Variants in ZC4H2 observed in about 807,000 individuals in gnomAD.
ZC4H2 encodes zinc finger C4H2-type containing, also known as zinc finger C4H2 domain-containing protein.
For missense variants in ZC4H2, 137 were observed against 173.9 expected, an observed-to-expected ratio of 0.79 and a Z score of 1.19; for synonymous variants, 84 against 66.3, an observed-to-expected ratio of 1.27 and a Z score of -1.30.
intron 1 of ZC4H2, among the ~76,000 whole-genome samples, chrX:65,023,570 C>A (rs1932852890): frequency 9.0e-6 from 1 of 111,678 alleles, no homozygotes; most frequent in Non-Finnish European, 1.9e-5. Context: ...CCATCTCATG[C>A]CAGTTAGAAT....
intron 4 of ZC4H2, 138 bp downstream of exon 4, chrX:64,918,904 C>G: frequency 2.6e-6 from 2 of 777,336 alleles, no homozygotes; most frequent in South Asian, 7.4e-5. Flanking sequence ...CCATGTCACC[C>G]CTTCCACTGT....
intron 1 of ZC4H2, among the ~76,000 whole-genome samples, chrX:64,990,297 T>A (rs1377290235): frequency 8.9e-6 from 1 of 111,917 alleles, no homozygotes; most frequent in Non-Finnish European, 1.9e-5. Flanking sequence ...TCATGTAACA[T>A]TCTGGGAATG....
chrX:64,988,231 A>G (rs1427203934), intron 1 of ZC4H2, among the ~76,000 whole-genome samples: 3 of 110,871 alleles, frequency 2.7e-5, no homozygotes, highest in African/African-American at 9.9e-5. Flanking sequence ...ATGATTTATA[A>G]TCCTTTGGGT....
At chrX:64,919,281 T>C in intron 3 of ZC4H2, 77 bp from the exon 4 acceptor site, 1 of 1,118,983 alleles carries the variant, frequency 8.9e-7, no homozygotes, top group Non-Finnish European at 1.2e-6. Flanking sequence ...CTCCATGCCA[T>C]ACAACCAAGG....
intron 1 of ZC4H2, among the ~76,000 whole-genome samples, chrX:64,993,848 C>T (rs1344800618): frequency 8.9e-6 from 1 of 112,072 alleles, no homozygotes; most frequent in Admixed American, 9.4e-5. Context: ...GCTTTACCTG[C>T]AGTCTTTCAT....
intron 1 of ZC4H2, among the ~76,000 whole-genome samples, chrX:64,950,418 T>C (rs755703224): frequency 9.0e-6 from 1 of 111,506 alleles, no homozygotes; most frequent in South Asian, 3.8e-4. Context: ...ACTTTCTGTC[T>C]CGTTGATCTG....
intron 1 of ZC4H2, among the ~76,000 whole-genome samples, chrX:64,948,803 A>G (rs1386533298): frequency 8.9e-6 from 1 of 112,133 alleles, no homozygotes; most frequent in Non-Finnish European, 1.9e-5. Context: ...AAAATATTAT[A>G]AGAAGGCATG....
chrX:65,010,114 A>G (rs1331439505), intron 1 of ZC4H2, among the ~76,000 whole-genome samples: 1 of 112,574 alleles, frequency 8.9e-6, no homozygotes, highest in Non-Finnish European at 1.9e-5. Flanking sequence ...GGATGCATCA[A>G]CTTCCAAGTG....
At chrX:64,989,072 A>T (rs761762520) in intron 1 of ZC4H2, among the ~76,000 whole-genome samples, 1 of 111,470 alleles carries the variant, frequency 9.0e-6, no homozygotes, top group South Asian at 3.8e-4. Flanking sequence ...TGTTCCATTG[A>T]TGTATATCTC....
intron 1 of ZC4H2, among the ~76,000 whole-genome samples, chrX:64,922,694 A>T (rs1341393390): frequency 2.7e-5 from 3 of 112,305 alleles, no homozygotes; most frequent in Non-Finnish European, 5.6e-5. Context: ...AACTCTAAGT[A>T]AGCACTGTCC....
chrX:65,027,375 G>A lies in ZC4H2; in HGVS notation c.-272+7254C>T, dbSNP rs187360705. Among the ~76,000 whole-genome samples the A allele has an allele frequency of 5.1e-3, 566 of 111,659 alleles. 2 individuals carry two copies. The highest frequency in any genetic ancestry group is 0.017 in the African/African-American group (524 of 30,711). ...AGGCAGTGCAGAAGATGGTTTGGAA[G>A]AGAGGTAAGAATGAAGGTAAGGAGC... On this transcript the variant is annotated intron_variant, in intron 1 of 4. Coordinates refer to the ZC4H2 transcript ENST00000337990.
intron 1 of ZC4H2, among the ~76,000 whole-genome samples, chrX:65,011,357 T>C (rs982860450): frequency 1.6e-4 from 18 of 111,290 alleles, no homozygotes; most frequent in Admixed American, 6.7e-4. Context: ...ATGTTCCCCC[T>C]TTGCTCAATC....
chrX:64,934,446 G>A (rs1025831702), intron 1 of ZC4H2, among the ~76,000 whole-genome samples: 4 of 112,138 alleles, frequency 3.6e-5, no homozygotes, highest in Admixed American at 1.9e-4. Context: ...CAATTTACAC[G>A]TACACAGTTG....
chrX:64,954,873 C>G (rs1931092052), intron 1 of ZC4H2, among the ~76,000 whole-genome samples: 1 of 111,371 alleles, frequency 9.0e-6, no homozygotes, highest in Admixed American at 9.6e-5. Flanking sequence ...TTTGAATAAA[C>G]TCCACGGTCT....
In ZC4H2 at chrX:64,928,632, C is replaced by CCTTCTTCTTCTTCTTCTTCTTCTTCTT. The variant is rs753426558; in HGVS notation, c.54-6671_54-6645dup. On this transcript the variant is annotated intron_variant, in intron 1 of 4. Coordinates refer to ENST00000374839, the MANE Select transcript of ZC4H2 (RefSeq NM_018684.4). ...TATTCATGTCCTTTGCCTGCTTTCT[C>CCTTCTTCTTCTTCTTCTTCTTCTTCTT]CTTCTTCTTCTTCTTCTTCTTCTTC... Among the ~76,000 whole-genome samples the CCTTCTTCTTCTTCTTCTTCTTCTTCTT allele has an allele frequency of 3.5e-4, 29 of 83,338 alleles. 1 individual carries two copies. The highest frequency in any genetic ancestry group is 1.2e-3 in the African/African-American group (24 of 20,501). 72.4% of individuals were successfully genotyped at this position (83,338 alleles called of 115,157 possible).
chrX:65,009,970 G>A (rs1932732532), intron 1 of ZC4H2, among the ~76,000 whole-genome samples: 1 of 112,192 alleles, frequency 8.9e-6, no homozygotes, highest in South Asian at 3.7e-4. Context: ...AATGCCTGGA[G>A]CAGTCACATT....
Position 64,988,646 on chromosome X carries a change from C to A in ZC4H2, c.-272+45983G>T, listed in dbSNP as rs957174270. Among the ~76,000 whole-genome samples the A allele has an allele frequency of 6.4e-5, 7 of 110,033 alleles. No individual in the cohort carries two copies. The Admixed American group carries it at 6.7e-4, about 11-fold the overall frequency. The stretch of plus-strand genomic sequence containing the variant: ...TGGATATTAGCCCTTGAGTAGATTG[C>A]AAAAATTTTCTCCCATTCTGTAGGT... On this transcript the variant is annotated intron_variant, in intron 1 of 4. Transcript: ENST00000337990.
chrX:64,923,316 A>G (rs752066523), intron 1 of ZC4H2, among the ~76,000 whole-genome samples: 9 of 111,556 alleles, frequency 8.1e-5, no homozygotes, highest in African/African-American at 1.6e-4. Flanking sequence ...AAGGGCTACA[A>G]AGTTTTGAAA....
At chrX:64,953,671 G>T (rs757537346) in intron 1 of ZC4H2, among the ~76,000 whole-genome samples, 3 of 111,601 alleles carry the variant, frequency 2.7e-5, no homozygotes, top group African/African-American at 9.8e-5. Flanking sequence ...GGGAACAAAG[G>T]GTGCTGGAGA....
Sources: gnomAD v4.1 joint callset for allele counts (sites outside exome capture counted in the v4.1 genomes callset) on GRCh38, gnomAD v4.1.1 for gene constraint, MANE v1.5 for transcripts, NCBI Gene and HGNC (gene_info 2026-07-23, HGNC 2026-07-21) for gene names.